LARP1B: variants seen among roughly 807,000 people sequenced by gnomAD.
LARP1B encodes La ribonucleoprotein 1B, also known as la-related protein 1B.
In LARP1B, 76 loss-of-function variants were observed where a neutral mutation model predicts 114.2. The observed-to-expected ratio is 0.67, with a 90% CI of 0.55 to 0.81. The LOEUF (loss-of-function observed/expected upper bound fraction) is 0.81. Among genes scored for constraint, LARP1B ranks in the 30% least tolerant of loss-of-function variants. The probability of loss-of-function intolerance (pLI) is 0.00; values close to 1 mark genes in which losing one functional copy is unlikely to be tolerated. For synonymous variants in LARP1B, 345 were observed against 348.0 expected, an observed-to-expected ratio of 0.99 and a Z score of 0.10; for missense variants, 1,014 against 1,075.8, an observed-to-expected ratio of 0.94 and a Z score of 0.80.
intron 12 of LARP1B, 88 bp downstream of exon 12, chr4:128,162,405 T>C (rs558925542): frequency 8.2e-7 from 1 of 1,214,578 alleles, no homozygotes; most frequent in Admixed American, 2.4e-5. Context: ...TTTTTCTTTA[T>C]TTGTGGAAAA....
At chr4:128,184,619 T>G (rs1749685050) in intron 15 of LARP1B, among the ~76,000 whole-genome samples, 1 of 152,202 alleles carries the variant, frequency 6.6e-6, no homozygotes, top group Non-Finnish European at 1.5e-5. Context: ...CTAGCTATTT[T>G]GTACTATACA....
chr4:128,199,408 T>G (rs759377486), intron 15 of LARP1B, 31 bp from the exon 16 acceptor site: 1 of 1,460,910 alleles, frequency 6.8e-7, no homozygotes, highest in African/African-American at 1.4e-5. Flanking sequence ...GATTTTTCAT[T>G]TTGAAGGCTT....
chr4:128,098,972 T>G (rs894909841), intron 8 of LARP1B, among the ~76,000 whole-genome samples: 101 of 150,662 alleles, frequency 6.7e-4, no homozygotes, highest in African/African-American at 2.3e-3. Context: ...GAGACTTGGC[T>G]TCACTATCTT....
chr4:128,062,010 C>G (rs1305039052), intron 1 of LARP1B: 85 of 984,962 alleles, frequency 8.6e-5, no homozygotes, highest in Non-Finnish European at 9.8e-5. Flanking sequence ...GAGCCGCCAC[C>G]GCCACCGCCG....
intron 4 of LARP1B, among the ~76,000 whole-genome samples, chr4:128,081,580 C>T (rs957983492): frequency 7.2e-5 from 11 of 152,076 alleles, no homozygotes; most frequent in African/African-American, 2.2e-4. Context: ...GGCTGGGCGT[C>T]GAGCTTGAAC....
intron 13 of LARP1B, 114 bp from the exon 14 acceptor site, chr4:128,178,316 GA>G (rs1186945671): frequency 1.4e-6 from 1 of 693,498 alleles, no homozygotes; most frequent in African/African-American, 1.8e-5. Context: ...TTATATATTT[GA>G]AATGTTTTCA....
chr4:128,115,047 C>T (rs906885655), intron 10 of LARP1B, among the ~76,000 whole-genome samples: 1 of 151,976 alleles, frequency 6.6e-6, no homozygotes, highest in African/African-American at 2.4e-5. Flanking sequence ...AAGCGATTCT[C>T]CTGCCCTGGC....
chr4:128,207,266 T>G lies in LARP1B; in HGVS notation c.2430T>G (p.Tyr810Ter), dbSNP rs762310782. Reference protein sequence around the residue: ...TKKDYESGQLYGLEKFWAYLK... With the variant: ...TKKDYESGQL Reference sequence around the variant, plus strand: ...ATTCTTTGTTATTAGGTCAGCTGTATGGACTAGAAAAGTTTTGGGCTTATT... The same window carrying G: ...ATTCTTTGTTATTAGGTCAGCTGTAGGGACTAGAAAAGTTTTGGGCTTATT... Residue 810 changes from tyrosine (Y) to a stop codon, truncating the protein, a stop_gained, in exon 19 of 20, where the codon TAT becomes TAG. Coordinates refer to ENST00000326639, the MANE Select transcript of LARP1B (RefSeq NM_018078.4). LOFTEE classifies it high-confidence loss of function. 1 of 1,452,772 alleles carries G rather than the reference T, an allele frequency of 6.9e-7. No homozygotes were observed. The highest frequency in any genetic ancestry group is 9.3e-7 in the Non-Finnish European group (1 of 1,080,734). 90.0% of individuals were successfully genotyped at this position (1,452,772 alleles called of 1,614,324 possible). A position where few individuals can be genotyped will look rare whatever the true frequency, so the allele number is the denominator to read the frequency against.
intron 1 of LARP1B, among the ~76,000 whole-genome samples, chr4:128,065,253 A>ATTTCTT (rs1341596258): frequency 2.8e-4 from 25 of 89,610 alleles, no homozygotes; most frequent in African/African-American, 1.0e-3. Context: ...CCCACAATTA[A>ATTTCTT]TTTCTTTCTT....
chr4:128,069,539 G>T, intron 1 of LARP1B: 1 of 744,488 alleles, frequency 1.3e-6, no homozygotes. Context: ...AGAGCTGGTG[G>T]TACTGCCAGC....
chr4:128,155,579 G>A lies in LARP1B; in HGVS notation c.1525-6615G>A, dbSNP rs909723194. 15 of 857,532 alleles carry A rather than the reference G, an allele frequency of 1.7e-5. No homozygotes were observed. In the South Asian group the frequency reaches 1.8e-4, roughly 11 times the overall value. The allele number at this position is 857,532 out of a possible 1,614,324, so 53.1% of individuals were successfully genotyped here. ...CTTCATTTTCTGGGGCCCAGCAGTT[G>A]CCCCAGGCCTCTGACCTACCCTTAG... On this transcript the variant is annotated intron_variant, in intron 11 of 19. Coordinates refer to ENST00000326639, the MANE Select transcript of LARP1B (RefSeq NM_018078.4).
chr4:128,101,160 C>T (rs551313739), intron 8 of LARP1B, among the ~76,000 whole-genome samples: 2 of 149,348 alleles, frequency 1.3e-5, no homozygotes, highest in East Asian at 2.1e-4. Flanking sequence ...TTTTTGAACA[C>T]GTGTGCTTCG....
intron 1 of LARP1B, among the ~76,000 whole-genome samples, chr4:128,070,176 T>C (rs1257175653): frequency 2.6e-5 from 4 of 151,738 alleles, no homozygotes; most frequent in Admixed American, 2.0e-4. Flanking sequence ...AAAAATTAGC[T>C]GGGCGTGGTG....
At chr4:128,114,495 G>T in intron 9 of LARP1B, 75 bp from the exon 10 acceptor site, 1 of 1,114,710 alleles carries the variant, frequency 9.0e-7, no homozygotes, top group Non-Finnish European at 1.3e-6. Context: ...CCCCAGTTAA[G>T]GAAAAAATGA....
At chr4:128,167,219 G>A (rs747299834) in intron 12 of LARP1B, among the ~76,000 whole-genome samples, 1 of 151,662 alleles carries the variant, frequency 6.6e-6, no homozygotes, top group Non-Finnish European at 1.5e-5. Flanking sequence ...CATTTCCTTT[G>A]GGTATATATA....
chr4:128,066,854 T>A (rs145952207), intron 1 of LARP1B, among the ~76,000 whole-genome samples: 2,569 of 148,268 alleles, frequency 0.017, 60 homozygotes, highest in East Asian at 0.1. Context: ...AGGAGTGCAA[T>A]GGCGCGATCT....
chr4:128,176,704 C>T (rs1346939217), intron 12 of LARP1B, among the ~76,000 whole-genome samples, 168 bp from the exon 13 acceptor site: 1 of 152,052 alleles, frequency 6.6e-6, no homozygotes, highest in Non-Finnish European at 1.5e-5. Context: ...ATGGTAGGCA[C>T]TAGTATTCGA....
At chr4:128,069,443 A>G (rs1764336612) in intron 1 of LARP1B, 10 of 759,332 alleles carry the variant, frequency 1.3e-5, no homozygotes, top group Non-Finnish European at 2.4e-5. Flanking sequence ...CACGAATCCT[A>G]TATATAACAT....
In LARP1B at chr4:128,207,348, T is replaced by G; in HGVS notation, c.2512T>G (p.Cys838Gly). The G allele has an allele frequency of 1.9e-6, 3 of 1,552,902 alleles. No individual in the cohort carries two copies. In the African/African-American group the frequency reaches 4.1e-5, roughly 21 times the overall value. The change falls in exon 19 of 20, where the codon TGT (cysteine) becomes GGT (glycine). Residue 838 changes from cysteine (C) to glycine (G), a missense_variant. Coordinates refer to ENST00000326639, the MANE Select transcript of LARP1B (RefSeq NM_018078.4). ...TGACCCAAAACTTCAGGAATACCTC[T>G]GTAGTTTTAAGAGGTTAGAAGACTT... ...SIDPKLQEYLCSFKRLEDFRV... is the reference protein window; with the variant it reads ...SIDPKLQEYLGSFKRLEDFRV...
Sources: gnomAD v4.1 joint callset for allele counts (sites outside exome capture counted in the v4.1 genomes callset) on GRCh38, gnomAD v4.1.1 for gene constraint, MANE v1.5 for transcripts, NCBI Gene and HGNC (gene_info 2026-07-23, HGNC 2026-07-21) for gene names.